GABRB3: variants seen among roughly 807,000 people sequenced by gnomAD.
The protein encoded by GABRB3 is gamma-aminobutyric acid type A receptor subunit beta3.
In GABRB3, 14 loss-of-function variants were observed where a neutral mutation model predicts 52.1. The ratio of observed to expected loss-of-function variants is 0.27; its 90% CI spans 0.18 to 0.42. GABRB3 has a LOEUF of 0.42. GABRB3 is among the 10% of genes least tolerant of loss of function. GABRB3 has a pLI of 1.00. For synonymous variants in GABRB3, 260 were observed against 232.3 expected, an observed-to-expected ratio of 1.12 and a Z score of -1.08; for missense variants, 307 against 609.1, an observed-to-expected ratio of 0.50 and a Z score of 5.22.
intron 3 of GABRB3, among the ~76,000 whole-genome samples, chr15:26,670,851 C>T (rs4906686): frequency 0.078 from 11,871 of 152,258 alleles, 646 homozygotes; most frequent in Admixed American, 0.14. Flanking sequence ...GCTAAACATC[C>T]TTATCACACA....
intron 3 of GABRB3, among the ~76,000 whole-genome samples, chr15:26,632,978 G>A (rs893223042): frequency 6.6e-6 from 1 of 152,098 alleles, no homozygotes; most frequent in Admixed American, 6.6e-5. Flanking sequence ...CTCTTTATTA[G>A]CTGCCCCCAG....
intron 4 of GABRB3, among the ~76,000 whole-genome samples, chr15:26,593,818 T>C (rs1891293898): frequency 6.6e-6 from 1 of 151,810 alleles, no homozygotes; most frequent in Non-Finnish European, 1.5e-5. Context: ...CTTTTGAATA[T>C]ACCTAGAAGT....
chr15:26,771,982 C>T (rs1421313194), intron 3 of GABRB3: 1 of 169,754 alleles, frequency 5.9e-6, no homozygotes, highest in Admixed American at 6.5e-5. Flanking sequence ...ACAAAGGAAA[C>T]CTTAAGTACC....
intron 3 of GABRB3, among the ~76,000 whole-genome samples, chr15:26,707,389 T>G (rs760411210): frequency 6.6e-6 from 1 of 152,080 alleles, no homozygotes; most frequent in Non-Finnish European, 1.5e-5. Context: ...TGGCAAGATG[T>G]TGAATGAAAA....
At chr15:26,593,927 C>T (rs920788031) in intron 4 of GABRB3, among the ~76,000 whole-genome samples, 4 of 149,446 alleles carry the variant, frequency 2.7e-5, no homozygotes, top group Non-Finnish European at 5.9e-5. Context: ...CATCAGCAAT[C>T]CCTAAGTGCC....
At chr15:26,766,926 A>G (rs1185971783) in intron 3 of GABRB3, among the ~76,000 whole-genome samples, 3 of 152,106 alleles carry the variant, frequency 2.0e-5, no homozygotes, top group African/African-American at 4.8e-5. Context: ...AACCTTCCTG[A>G]GGGGAAAGGC....
At chr15:26,773,715 C>A (rs868689752), upstream of GABRB3, 1 of 1,568,658 alleles carries the variant, frequency 6.4e-7, no homozygotes. Flanking sequence ...TCCAGGAGCC[C>A]GGAGCACATG....
chr15:26,630,153 C>A (rs991494774), intron 3 of GABRB3, among the ~76,000 whole-genome samples: 10 of 152,160 alleles, frequency 6.6e-5, no homozygotes, highest in Non-Finnish European at 1.2e-4. Flanking sequence ...GCCAGGCTCC[C>A]GGAGGTGAGG....
intron 8 of GABRB3, among the ~76,000 whole-genome samples, chr15:26,556,805 C>T (rs1448255254): frequency 6.6e-6 from 1 of 152,126 alleles, no homozygotes; most frequent in African/African-American, 2.4e-5. Flanking sequence ...TTGCTGGTGG[C>T]CTACAGTGTC....
chr15:26,681,071 T>G (rs1035299344), intron 3 of GABRB3, among the ~76,000 whole-genome samples: 16 of 152,232 alleles, frequency 1.1e-4, no homozygotes, highest in African/African-American at 3.9e-4. Context: ...TCTCTTCCTT[T>G]TAAAAATCGT....
intron 3 of GABRB3, among the ~76,000 whole-genome samples, chr15:26,760,444 G>A (rs1390731734): frequency 6.6e-6 from 1 of 152,094 alleles, no homozygotes; most frequent in Non-Finnish European, 1.5e-5. Flanking sequence ...CTACTGCAGA[G>A]GGTGAGCTTG....
At chr15:26,619,219 G>A (rs376503329) in intron 4 of GABRB3, among the ~76,000 whole-genome samples, 4 of 151,720 alleles carry the variant, frequency 2.6e-5, no homozygotes, top group Admixed American at 1.3e-4. Context: ...ACATGCACAC[G>A]TATGTTTATT....
At chr15:26,579,237 C>T (rs1890701828) in intron 6 of GABRB3, among the ~76,000 whole-genome samples, 1 of 152,208 alleles carries the variant, frequency 6.6e-6, no homozygotes, top group Non-Finnish European at 1.5e-5. Context: ...GCAGGTCCCT[C>T]CTCAGGGAGG....
At chr15:26,746,428 G>T (rs914345224) in intron 3 of GABRB3, among the ~76,000 whole-genome samples, 1 of 152,044 alleles carries the variant, frequency 6.6e-6, no homozygotes, top group Admixed American at 6.6e-5. Flanking sequence ...CAGAACAAAT[G>T]TTTTAATTTG....
At chr15:26,616,203 T>C (rs1595485114) in intron 4 of GABRB3, 1 of 616,300 alleles carries the variant, frequency 1.6e-6, no homozygotes, top group African/African-American at 1.9e-5. Context: ...GGATGGAGGG[T>C]GGCTGAGCCA....
chr15:26,770,359 C>T (rs553918349), intron 3 of GABRB3, among the ~76,000 whole-genome samples: 34 of 152,308 alleles, frequency 2.2e-4, no homozygotes, highest in Non-Finnish European at 4.6e-4. Context: ...GCATGCTATG[C>T]ATACCTGTTG....
At chr15:26,687,629 A>G (rs1888448646) in intron 3 of GABRB3, among the ~76,000 whole-genome samples, 1 of 152,164 alleles carries the variant, frequency 6.6e-6, no homozygotes, top group Non-Finnish European at 1.5e-5. Context: ...TATAATATAA[A>G]ATATTTAGAA....
chr15:26,740,235 C>CCACAGGGG (rs1345854044), intron 3 of GABRB3, among the ~76,000 whole-genome samples: 1 of 151,924 alleles, frequency 6.6e-6, no homozygotes, highest in South Asian at 2.1e-4. Flanking sequence ...AACGGGAAGC[C>CCACAGGGG]CACAGGGGAC....
chr15:26,743,499 GTATA>G (rs1890262765), intron 3 of GABRB3, among the ~76,000 whole-genome samples: 1 of 152,120 alleles, frequency 6.6e-6, no homozygotes, highest in South Asian at 2.1e-4. Flanking sequence ...TTGGCTACTG[GTATA>G]TATTATTGTA....
Sources: gnomAD v4.1 joint callset for allele counts (sites outside exome capture counted in the v4.1 genomes callset) on GRCh38, gnomAD v4.1.1 for gene constraint, MANE v1.5 for transcripts, NCBI Gene and HGNC (gene_info 2026-07-23, HGNC 2026-07-21) for gene names.